Variants in TTC34 observed in about 807,000 individuals in gnomAD.
TTC34 encodes tetratricopeptide repeat protein 34.
TTC34 carries 44 observed loss-of-function variants against 40.7 expected under a neutral mutation model. That is an observed-to-expected ratio of 1.08 (90% CI 0.85 to 1.39). The LOEUF (loss-of-function observed/expected upper bound fraction) is 1.39. Ranked by LOEUF, TTC34 falls within the 40% of genes most tolerant of loss-of-function variation. TTC34 has a pLI of 0.00. For missense variants in TTC34, 884 were observed against 838.0 expected (o/e 1.05, Z -0.68); for synonymous variants, 422 against 398.6 (o/e 1.06, Z -0.70).
At chr1:2,652,543 AAGCCTGGAG>A (rs200273118) in intron 6 of TTC34, among the ~76,000 whole-genome samples, 5 of 18,128 alleles carry the variant, frequency 2.8e-4, no homozygotes, top group South Asian at 1.7e-3. Flanking sequence ...GAGCATTGGA[AAGCCTGGAG>A]CAGCACCCAC....
chr1:2,791,987 A>G (rs1457470997), intron 2 of TTC34, among the ~76,000 whole-genome samples: 2 of 116,690 alleles, frequency 1.7e-5, no homozygotes, highest in Admixed American at 1.9e-4. Context: ...GCACTGTTCA[A>G]CTCTAGACTT....
At chr1:2,682,076 A>C (rs1570801100) in intron 6 of TTC34, among the ~76,000 whole-genome samples, 1 of 123,656 alleles carries the variant, frequency 8.1e-6, no homozygotes, top group Non-Finnish European at 1.7e-5. Context: ...CCCACAGGTG[A>C]GCATCTGACA....
In TTC34 at chr1:2,750,955, C is replaced by A. The variant is rs1161799800; in HGVS notation, c.2226+32654G>T. Among the ~76,000 whole-genome samples, 3 of 116,058 alleles carry A rather than the reference C, an allele frequency of 2.6e-5. 1 individual carries two copies. The highest frequency in any genetic ancestry group is 5.1e-5 in the Non-Finnish European group (3 of 58,688). The allele number at this position is 116,058 out of a possible 152,430, so 76.1% of individuals were successfully genotyped here. A position where few individuals can be genotyped will look rare whatever the true frequency, so the allele number is the denominator to read the frequency against. Reference sequence around the variant, plus strand: ...CAGGCGAGCATCGGACAGCCTGGAGCAGCACCCACACCCCCAGGTGCGCAT... The same window carrying A: ...CAGGCGAGCATCGGACAGCCTGGAGAAGCACCCACACCCCCAGGTGCGCAT... On this transcript the variant is annotated intron_variant, in intron 6 of 8. Transcript: ENST00000401095.
chr1:2,683,352 C>G (rs1280230880), intron 6 of TTC34, among the ~76,000 whole-genome samples: 3 of 147,848 alleles, frequency 2.0e-5, no homozygotes, highest in Non-Finnish European at 3.0e-5. Context: ...CACCCTGCAC[C>G]CCCAGGTGAG....
chr1:2,686,602 C>T lies in TTC34; in HGVS notation c.2227-41039G>A, dbSNP rs113252473. Reference sequence around the variant, plus strand: ...TGACCGCCTGGAACAGCACACACACCCCCAGGCGAGCATCTGACAGCATGT... The same window carrying T: ...TGACCGCCTGGAACAGCACACACACTCCCAGGCGAGCATCTGACAGCATGT... On this transcript the variant is annotated intron_variant, in intron 6 of 8. Coordinates refer to ENST00000401095, the Ensembl canonical transcript of TTC34. Among the ~76,000 whole-genome samples the T allele has an allele frequency of 2.4e-4, 19 of 78,822 alleles. 1 individual carries two copies. The highest frequency in any genetic ancestry group is 8.4e-4 in the South Asian group (2 of 2,374). The allele number at this position is 78,822 out of a possible 152,430, so 51.7% of individuals were successfully genotyped here.
exon 2 of TTC34, chr1:2,800,186 T>A (rs1303252601): frequency 2.5e-6 from 1 of 397,800 alleles, no homozygotes; most frequent in Non-Finnish European, 4.4e-6. Context: ...CCGCCAGGAG[T>A]CGCTGGCCAC....
rs1323716050 is a variant in TTC34 at position 2,684,714 on chromosome 1, C to T, written c.2227-39151G>A. Among the ~76,000 whole-genome samples the T allele has an allele frequency of 4.1e-4, 52 of 125,478 alleles. 3 individuals carry two copies. The highest frequency in any genetic ancestry group is 7.1e-4 in the Non-Finnish European group (44 of 62,298). The allele number at this position is 125,478 out of a possible 152,430, so 82.3% of individuals were successfully genotyped here. A position where few individuals can be genotyped will look rare whatever the true frequency, so the allele number is the denominator to read the frequency against. On this transcript the variant is annotated intron_variant, in intron 6 of 8. Coordinates refer to ENST00000401095, the Ensembl canonical transcript of TTC34. Reference sequence around the variant, plus strand: ...ATCTGACAGCCTGGAACGGCAACCACACCCCCAGGCGAGCATCCGACAGCC... The same window carrying T: ...ATCTGACAGCCTGGAACGGCAACCATACCCCCAGGCGAGCATCCGACAGCC...
Position 2,695,647 on chromosome 1 carries a change from C to T in TTC34, c.2227-50084G>A, listed in dbSNP as rs1490710638. Among the ~76,000 whole-genome samples the T allele has an allele frequency of 1.8e-4, 25 of 139,624 alleles. 7 individuals carry two copies. The highest frequency in any genetic ancestry group is 3.2e-4 in the Non-Finnish European group (20 of 62,490). 91.6% of individuals were successfully genotyped at this position (139,624 alleles called of 152,430 possible). The stretch of plus-strand genomic sequence containing the variant: ...AGCAGCACCCACACCAACAGGTGAG[C>T]ATCTGACCGCCTGGAACAGCACCCA... On this transcript the variant is annotated intron_variant, in intron 6 of 8. Transcript: ENST00000401095.
chr1:2,772,923 G>A (rs1642485661), intron 6 of TTC34, among the ~76,000 whole-genome samples: 1 of 120,802 alleles, frequency 8.3e-6, no homozygotes, highest in East Asian at 3.0e-4. Context: ...CGACAGCCTG[G>A]AACAGCACCC....
chr1:2,772,911 T>C (rs567915926), intron 6 of TTC34, among the ~76,000 whole-genome samples: 18 of 112,518 alleles, frequency 1.6e-4, no homozygotes, highest in African/African-American at 5.6e-4. Context: ...CAGGTGAGCA[T>C]TCGACAGCCT....
intron 6 of TTC34, among the ~76,000 whole-genome samples, chr1:2,657,470 A>G (rs1639391308): frequency 1.3e-4 from 12 of 92,096 alleles, no homozygotes; most frequent in African/African-American, 3.3e-4. Context: ...CCCCCAGGCG[A>G]GCATCTGACC....
rs199580457 is a variant in TTC34 at position 2,779,255 on chromosome 1, G to C, written c.2226+4354C>G. The stretch of plus-strand genomic sequence containing the variant: ...ATATGGTGTACAAATGTCTCTAAAA[G>C]ACCCTACTTCCATTTATTTTGGATG... On this transcript the variant is annotated intron_variant, in intron 6 of 8. Coordinates refer to ENST00000401095, the Ensembl canonical transcript of TTC34. 4.6e-5 allele frequency among the ~76,000 whole-genome samples: 7 copies of C among 152,274 alleles called. No individual in the cohort carries two copies. The East Asian group carries it at 1.2e-3, about 25-fold the overall frequency.
At chr1:2,682,105 A>AC (rs1482956496) in intron 6 of TTC34, among the ~76,000 whole-genome samples, 1 of 115,298 alleles carries the variant, frequency 8.7e-6, no homozygotes, top group Non-Finnish European at 1.9e-5. Flanking sequence ...CAGCACCCAC[A>AC]CCCCCAGGTG....
intron 6 of TTC34, among the ~76,000 whole-genome samples, chr1:2,759,401 C>G (rs1238508782): frequency 9.1e-6 from 1 of 109,620 alleles, no homozygotes; most frequent in Admixed American, 9.6e-5. Flanking sequence ...CCCACACCCC[C>G]AGGTGGGCAT....
chr1:2,778,435 G>A (rs563581420), intron 6 of TTC34, among the ~76,000 whole-genome samples: 1 of 152,308 alleles, frequency 6.6e-6, no homozygotes, highest in South Asian at 2.1e-4. Flanking sequence ...GCCTGGGAGT[G>A]GACCCCTCCC....
chr1:2,777,454 C>G (rs901018688), intron 6 of TTC34, among the ~76,000 whole-genome samples: 1 of 150,772 alleles, frequency 6.6e-6, no homozygotes, highest in Non-Finnish European at 1.5e-5. Context: ...CAAGTCCTGC[C>G]CCCCGGTTAG....
At chr1:2,795,178 G>A (rs1264315168) in intron 2 of TTC34, among the ~76,000 whole-genome samples, 1 of 152,174 alleles carries the variant, frequency 6.6e-6, no homozygotes, top group Non-Finnish European at 1.5e-5. Flanking sequence ...TTGAGCCTGG[G>A]AGATTGAGTG....
At chr1:2,686,887 CT>C (rs1640384237) in intron 6 of TTC34, among the ~76,000 whole-genome samples, 1 of 140,618 alleles carries the variant, frequency 7.1e-6, no homozygotes, top group Non-Finnish European at 1.5e-5. Flanking sequence ...CCCACACCCC[CT>C]GATGAGCATC....
At chr1:2,767,829 C>T (rs868305484) in intron 6 of TTC34, among the ~76,000 whole-genome samples, 1 of 150,112 alleles carries the variant, frequency 6.7e-6, no homozygotes, top group Non-Finnish European at 1.5e-5. Context: ...ATCTGACAGC[C>T]TGGAGCAGCA....
Sources: allele counts gnomAD v4.1 joint callset (sites outside exome capture counted in the v4.1 genomes callset), GRCh38; gene constraint gnomAD v4.1.1; transcripts MANE v1.5; gene names NCBI Gene and HGNC (gene_info 2026-07-23, HGNC 2026-07-21).